Variants in TMTC1 observed in about 807,000 individuals in gnomAD.
TMTC1 encodes protein O-mannosyl-transferase TMTC1.
TMTC1 carries 73 observed loss-of-function variants against 104.8 expected under a neutral mutation model. The observed-to-expected ratio is 0.70, with a 90% confidence interval of 0.58 to 0.85. The LOEUF (loss-of-function observed/expected upper bound fraction) is 0.85, where lower values mean the gene tolerates loss of function less well. TMTC1 is among the 40% of genes least tolerant of loss of function. The pLI is 0.00. For missense variants in TMTC1, 1,035 were observed against 1,096.1 expected, an observed-to-expected ratio of 0.94 and a Z score of 0.79; for synonymous variants, 434 against 428.7, an observed-to-expected ratio of 1.01 and a Z score of -0.15.
intron 16 of TMTC1, 93 bp downstream of exon 16, chr12:29,514,389 C>T: frequency 4.5e-6 from 6 of 1,339,620 alleles, no homozygotes; most frequent in Non-Finnish European, 2.0e-6. Flanking sequence ...TGCCAGTGAT[C>T]TTAGATCTTA....
chr12:29,628,658 C>T (rs1302317287), intron 6 of TMTC1, among the ~76,000 whole-genome samples: 2 of 152,014 alleles, frequency 1.3e-5, no homozygotes, highest in Non-Finnish European at 2.9e-5. Context: ...CCAAGCATTC[C>T]TTTATTTTTT....
intron 7 of TMTC1, among the ~76,000 whole-genome samples, chr12:29,602,558 G>A (rs937696304): frequency 1.3e-5 from 2 of 152,178 alleles, no homozygotes; most frequent in African/African-American, 4.8e-5. Flanking sequence ...GCCAGAGTTT[G>A]AATGCAGGCC....
intron 6 of TMTC1, among the ~76,000 whole-genome samples, chr12:29,610,937 C>T (rs1440389271): frequency 6.6e-6 from 1 of 152,124 alleles, no homozygotes; most frequent in East Asian, 1.9e-4. Context: ...CATAAATGCA[C>T]AGGGAGTAAA....
upstream of TMTC1, chr12:29,783,999 C>T (rs534730391): frequency 1.1e-5 from 2 of 182,192 alleles, no homozygotes; most frequent in Admixed American, 6.3e-5. The surrounding 1 kb of genome is among the most constrained non-coding windows in gnomAD (Gnocchi z 4.7). Flanking sequence ...CTGCGCATGC[C>T]CGCTCGCTCT....
At chr12:29,601,178 C>A (rs542600877) in intron 7 of TMTC1, among the ~76,000 whole-genome samples, 7,171 of 152,168 alleles carry the variant, frequency 0.047, 580 homozygotes, top group African/African-American at 0.16. Context: ...TAAGATATGG[C>A]AGCATGGGAA....
At chr12:29,765,807 G>A (rs1943450563) in intron 2 of TMTC1, among the ~76,000 whole-genome samples, 1 of 152,096 alleles carries the variant, frequency 6.6e-6, no homozygotes, top group Non-Finnish European at 1.5e-5. Flanking sequence ...CATCTTCATA[G>A]GATGTTCACA....
intron 1 of TMTC1, among the ~76,000 whole-genome samples, chr12:29,774,336 A>G (rs1050116723): frequency 6.6e-6 from 1 of 152,192 alleles, no homozygotes; most frequent in African/African-American, 2.4e-5. Flanking sequence ...ACAATGAGAG[A>G]CAGGTTTCAA....
rs1945647224 is a variant in TMTC1, at chr12:29,570,830, CG to C, written c.1532+1274del. ...CTGCACTCCAGCCTGGGTGACAGAGCGAGAGACTCCGTCTCAAAACAAAACA... is the reference window on the plus strand; with the variant it reads ...CTGCACTCCAGCCTGGGTGACAGAGCAGAGACTCCGTCTCAAAACAAAACA... On this transcript the variant is annotated intron_variant, in intron 9 of 17. Coordinates refer to ENST00000539277, the MANE Select transcript of TMTC1 (RefSeq NM_001193451.2). Among the ~76,000 whole-genome samples the C allele has an allele frequency of 4.7e-5, 7 of 149,920 alleles. No individual in the cohort carries two copies. The South Asian group carries it at 1.3e-3, about 27-fold the overall frequency.
At chr12:29,709,524 C>T (rs1007163314) in intron 5 of TMTC1, among the ~76,000 whole-genome samples, 1 of 152,058 alleles carries the variant, frequency 6.6e-6, no homozygotes, top group Non-Finnish European at 1.5e-5. Flanking sequence ...TTTCCATGTT[C>T]CACTTTTAAA....
At chr12:29,626,741 T>G (rs1267501391) in intron 6 of TMTC1, among the ~76,000 whole-genome samples, 1 of 152,150 alleles carries the variant, frequency 6.6e-6, no homozygotes, top group Non-Finnish European at 1.5e-5. Context: ...GGCCATGTAT[T>G]TTTAGATTTG....
chr12:29,695,500 T>G (rs1941389671), intron 5 of TMTC1, among the ~76,000 whole-genome samples: 1 of 151,638 alleles, frequency 6.6e-6, no homozygotes, highest in South Asian at 2.1e-4. Flanking sequence ...AGAGACGGGG[T>G]TTCACCATGT....
At chr12:29,631,135 T>G (rs140737366) in intron 6 of TMTC1, among the ~76,000 whole-genome samples, 109 of 152,362 alleles carry the variant, frequency 7.2e-4, no homozygotes, top group African/African-American at 2.6e-3. Flanking sequence ...TTAAGAGCAC[T>G]TTTAATATTC....
chr12:29,538,365 A>G (rs1944702544), intron 10 of TMTC1, among the ~76,000 whole-genome samples: 1 of 152,088 alleles, frequency 6.6e-6, no homozygotes, highest in African/African-American at 2.4e-5. Flanking sequence ...TAATTTGGCT[A>G]TTATCTTATG....
intron 1 of TMTC1, among the ~76,000 whole-genome samples, chr12:29,775,935 C>T (rs1246001312): frequency 1.3e-5 from 2 of 152,148 alleles, no homozygotes; most frequent in Admixed American, 1.3e-4. Flanking sequence ...AATAAAGAAA[C>T]TCCTCTCACT....
chr12:29,746,739 G>A (rs1592004210), intron 5 of TMTC1, among the ~76,000 whole-genome samples: 1 of 152,110 alleles, frequency 6.6e-6, no homozygotes, highest in East Asian at 1.9e-4. Flanking sequence ...ACTTGTTTTA[G>A]TTTTTTTATT....
chr12:29,507,077 A>G, intron 17 of TMTC1, 91 bp from the exon 18 acceptor site: 2 of 1,057,486 alleles, frequency 1.9e-6, no homozygotes, highest in Non-Finnish European at 2.9e-6. Context: ...CCCTCTGCCC[A>G]GTTTTACATT....
intron 1 of TMTC1, among the ~76,000 whole-genome samples, chr12:29,774,297 A>C (rs1406693661): frequency 6.6e-6 from 1 of 152,130 alleles, no homozygotes; most frequent in African/African-American, 2.4e-5. Flanking sequence ...CAAGCAACCC[A>C]GGTGATTCAA....
chr12:29,623,487 TC>T (rs563840617), intron 6 of TMTC1, among the ~76,000 whole-genome samples: 73 of 152,330 alleles, frequency 4.8e-4, no homozygotes, highest in African/African-American at 1.7e-3. Flanking sequence ...TAAGCATATA[TC>T]TTGCCCAAAA....
intron 2 of TMTC1, among the ~76,000 whole-genome samples, chr12:29,766,152 A>G (rs1464524537): frequency 6.6e-6 from 1 of 152,216 alleles, no homozygotes; most frequent in Non-Finnish European, 1.5e-5. Flanking sequence ...ACTCACAAAG[A>G]GTTGGGAAAA....
Sources: gnomAD v4.1 joint callset for allele counts (sites outside exome capture counted in the v4.1 genomes callset) on GRCh38, gnomAD v4.1.1 for gene constraint, Gnocchi (gnomAD v3.1) non-coding constraint, MANE v1.5 for transcripts, NCBI Gene and HGNC (gene_info 2026-07-23, HGNC 2026-07-21) for gene names.